Variants in LINGO3 observed in about 807,000 individuals in gnomAD.
LINGO3 encodes leucine rich repeat and Ig domain containing 3.
For missense variants in LINGO3, 750 were observed against 867.7 expected, an observed-to-expected ratio of 0.86 and a Z score of 1.70; for synonymous variants, 427 against 444.2, an observed-to-expected ratio of 0.96 and a Z score of 0.49.
chr19:2,291,698 C>T, exon 1 of LINGO3: 1 of 1,338,818 alleles, frequency 7.5e-7, no homozygotes, highest in South Asian at 1.8e-5. Flanking sequence ...TCGCAGCGGG[C>T]CGGGCAGCCT....
chr19:2,304,409 C>G, the LINGO3 span, among the ~76,000 whole-genome samples: 1 of 152,130 alleles, frequency 6.6e-6, no homozygotes, highest in Non-Finnish European at 1.5e-5. Flanking sequence ...TTCTAATCCC[C>G]GGAACTGCAG....
At chr19:2,305,475 G>A in the LINGO3 span, among the ~76,000 whole-genome samples, 2 of 152,088 alleles carry the variant, frequency 1.3e-5, no homozygotes, top group Non-Finnish European at 2.9e-5. Context: ...CTGGTGGTGT[G>A]GGCAGCTCCT....
chr19:2,305,671 C>T, the LINGO3 span, among the ~76,000 whole-genome samples: 1 of 152,188 alleles, frequency 6.6e-6, no homozygotes, highest in Non-Finnish European at 1.5e-5. Context: ...CCAGAGGGGG[C>T]AGGAGTGAGA....
At chr19:2,304,429 C>T in the LINGO3 span, among the ~76,000 whole-genome samples, 1 of 152,076 alleles carries the variant, frequency 6.6e-6, no homozygotes, top group Non-Finnish European at 1.5e-5. Flanking sequence ...GATAAGGCCA[C>T]CCTTACATGG....
At chr19:2,306,074 C>A in the LINGO3 span, among the ~76,000 whole-genome samples, 1 of 152,266 alleles carries the variant, frequency 6.6e-6, no homozygotes, top group Non-Finnish European at 1.5e-5. Flanking sequence ...CTGCCCTCTG[C>A]AGGCAGGGCC....
chr19:2,303,356 TGG>T, the LINGO3 span, among the ~76,000 whole-genome samples: 98,414 of 149,428 alleles, frequency 0.66, 33,315 homozygotes, highest in Non-Finnish European at 0.77. Context: ...CAGGGAGCTG[TGG>T]GGGGGGGGGT....
At chr19:2,306,446 G>A in the LINGO3 span, among the ~76,000 whole-genome samples, 1 of 152,180 alleles carries the variant, frequency 6.6e-6, no homozygotes, top group Admixed American at 6.5e-5. Context: ...AGGGGGCGCC[G>A]GGGAATGACA....
the LINGO3 span, among the ~76,000 whole-genome samples, chr19:2,302,872 C>T: frequency 1.3e-5 from 2 of 152,198 alleles, no homozygotes; most frequent in Admixed American, 6.5e-5. Context: ...TGCTGGCCCC[C>T]GCCATGCGAT....
the LINGO3 span, among the ~76,000 whole-genome samples, chr19:2,304,710 C>CTGTT: frequency 1.4e-5 from 1 of 73,212 alleles, no homozygotes; most frequent in Admixed American, 2.0e-4. Flanking sequence ...CCATGTCCTG[C>CTGTT]TTTTTTTTTT....
upstream of LINGO3, among the ~76,000 whole-genome samples, chr19:2,295,705 C>T (rs148233733): frequency 6.6e-3 from 1,000 of 152,258 alleles, 9 homozygotes; most frequent in African/African-American, 0.023. Context: ...CACTGCACTC[C>T]AGCCTGGGCG....
rs2025503987 is a variant in LINGO3 at position 2,290,193 on chromosome 19, C to T, written c.1584G>A (p.Leu528=). ...TGATGCAGCCCATGGCGGTGGACAC[C>T]AGGATGGTGGTGAGGTCGAGCGGCG... The change falls in exon 1 of 1, where the codon CTG becomes CTA. Residue 528 remains leucine, a synonymous_variant. Transcript: ENST00000585527. The surrounding 1 kb of genome is among the most constrained non-coding windows in gnomAD (Gnocchi z 6.0). 3 of 1,611,326 alleles carry T rather than the reference C, an allele frequency of 1.9e-6. No homozygotes were observed. Among genetic ancestry groups the T allele is most frequent in the Non-Finnish European group, 2.5e-6 (3 of 1,179,334 alleles).
At chr19:2,289,259 T>TCTGGGTGTGAGCTGTGTGTGTC (rs1047863353), downstream of LINGO3, among the ~76,000 whole-genome samples, 3 of 144,344 alleles carry the variant, frequency 2.1e-5, no homozygotes, top group Admixed American at 6.8e-5. Flanking sequence ...AGCTGTGTGT[T>TCTGGGTGTGAGCTGTGTGTGTC]CTGGGTGTGA....
chr19:2,287,786 G>A (rs192281006), downstream of LINGO3, among the ~76,000 whole-genome samples: 4 of 152,314 alleles, frequency 2.6e-5, no homozygotes, highest in Admixed American at 2.6e-4. This position sits in a 1 kb window ranked among gnomAD's most constrained non-coding sequence, Gnocchi z 4.5. Context: ...GACACTGATG[G>A]TCTAGGTGGT....
At chr19:2,289,778 A>G, downstream of LINGO3, 1 of 318,908 alleles carries the variant, frequency 3.1e-6, no homozygotes, top group Non-Finnish European at 5.9e-6. Context: ...TAGCAGGGAC[A>G]GGAAGACGGG....
exon 1 of LINGO3, chr19:2,291,886 G>T (rs536666962): frequency 1.1e-6 from 1 of 945,834 alleles, no homozygotes; most frequent in East Asian, 3.2e-5. Flanking sequence ...CGCCTCTGCC[G>T]CCAGCCCGCC....
At chr19:2,307,367 G>A in the LINGO3 span, among the ~76,000 whole-genome samples, 5 of 152,188 alleles carry the variant, frequency 3.3e-5, no homozygotes, top group Non-Finnish European at 5.9e-5. Flanking sequence ...TAAGGACCCG[G>A]GGCTTTTCTT....
chr19:2,296,017 C>A (rs1170888860), upstream of LINGO3, among the ~76,000 whole-genome samples: 1 of 151,990 alleles, frequency 6.6e-6, no homozygotes, highest in Admixed American at 6.6e-5. Flanking sequence ...GGGGGCATGC[C>A]CCCCCCAACC....
chr19:2,301,586 C>T, the LINGO3 span, among the ~76,000 whole-genome samples: 12 of 152,092 alleles, frequency 7.9e-5, no homozygotes, highest in Admixed American at 5.9e-4. Context: ...GACCCAGAGA[C>T]GGACGGCGAC....
At chr19:2,307,054 T>A in the LINGO3 span, among the ~76,000 whole-genome samples, 1 of 152,088 alleles carries the variant, frequency 6.6e-6, no homozygotes, top group Non-Finnish European at 1.5e-5. Context: ...CAGGGAGCCC[T>A]CCTGGGTTGC....
Sources: gnomAD v4.1 joint callset for allele counts (sites outside exome capture counted in the v4.1 genomes callset) on GRCh38, gnomAD v4.1.1 for gene constraint, Gnocchi (gnomAD v3.1) non-coding constraint, MANE v1.5 for transcripts, NCBI Gene and HGNC (gene_info 2026-07-23, HGNC 2026-07-21) for gene names.